Variants in CPEB3 observed in about 807,000 individuals in gnomAD.
The protein encoded by CPEB3 is cytoplasmic polyadenylation element-binding protein 3.
CPEB3 carries 20 observed loss-of-function variants against 67.2 expected under a neutral mutation model. The ratio of observed to expected loss-of-function variants is 0.30; its 90% CI spans 0.21 to 0.43. CPEB3 has a LOEUF of 0.43. Among genes scored for constraint, CPEB3 ranks in the 20% least tolerant of loss-of-function variants. The pLI, the probability that CPEB3 is intolerant of heterozygous loss-of-function variation, is 1.00. For synonymous variants in CPEB3, 376 were observed against 393.1 expected (o/e 0.96, Z 0.51); for missense variants, 746 against 968.6 (o/e 0.77, Z 3.05).
chr10:92,207,033 T>G (rs896939603), intron 2 of CPEB3, among the ~76,000 whole-genome samples: 1 of 152,156 alleles, frequency 6.6e-6, no homozygotes, highest in African/African-American at 2.4e-5. Context: ...TCACCCAGGC[T>G]GGAGTACAGT....
intron 7 of CPEB3, among the ~76,000 whole-genome samples, chr10:92,107,125 T>C (rs1049081418): frequency 3.9e-5 from 6 of 152,164 alleles, no homozygotes; most frequent in African/African-American, 1.4e-4. Flanking sequence ...TGGGACAGAA[T>C]TAAAAACTGA....
At chr10:92,184,656 G>A (rs531254870) in intron 3 of CPEB3, among the ~76,000 whole-genome samples, 12 of 152,174 alleles carry the variant, frequency 7.9e-5, no homozygotes, top group Non-Finnish European at 1.3e-4. Flanking sequence ...ACATCCATCA[G>A]AATCAATTAT....
intron 7 of CPEB3, among the ~76,000 whole-genome samples, chr10:92,095,601 T>TATATATATATATA (rs1491405800): frequency 3.1e-4 from 27 of 87,688 alleles, no homozygotes; most frequent in African/African-American, 8.5e-4. Context: ...TATATATATA[T>TATATATATATATA]TTTTTTTTTT....
intron 9 of CPEB3, among the ~76,000 whole-genome samples, chr10:92,056,481 G>C (rs989880882): frequency 2.6e-5 from 4 of 152,116 alleles, no homozygotes; most frequent in Non-Finnish European, 5.9e-5. Context: ...TCTTCATATT[G>C]CTGAAAGAAG....
intron 3 of CPEB3, among the ~76,000 whole-genome samples, chr10:92,184,535 G>A (rs2134112636): frequency 1.3e-5 from 2 of 152,272 alleles, no homozygotes; most frequent in East Asian, 1.9e-4. Context: ...AACCTGGGAG[G>A]TGGAGGTTGC....
chr10:92,087,645 G>C (rs1303039101), intron 8 of CPEB3, among the ~76,000 whole-genome samples: 1 of 152,114 alleles, frequency 6.6e-6, no homozygotes, highest in Non-Finnish European at 1.5e-5. Context: ...TAATCAACTG[G>C]GGAAGAGTAC....
intron 4 of CPEB3, among the ~76,000 whole-genome samples, chr10:92,156,794 T>C (rs1847229709): frequency 6.6e-6 from 1 of 152,170 alleles, no homozygotes. Context: ...CACATGATGA[T>C]GATGAAAAGC....
At chr10:92,105,661 C>G (rs572526030) in intron 7 of CPEB3, among the ~76,000 whole-genome samples, 1 of 151,066 alleles carries the variant, frequency 6.6e-6, no homozygotes, top group South Asian at 2.1e-4. Flanking sequence ...TATTTGGGAA[C>G]CTTTTATGTG....
At chr10:92,172,876 T>A (rs1002122843) in intron 4 of CPEB3, among the ~76,000 whole-genome samples, 7 of 152,226 alleles carry the variant, frequency 4.6e-5, no homozygotes, top group African/African-American at 1.7e-4. Flanking sequence ...CTTCGTAAAC[T>A]GCTCATTGCT....
chr10:92,247,188 AC>A (rs1235385505), intron 1 of CPEB3, among the ~76,000 whole-genome samples: 1 of 152,114 alleles, frequency 6.6e-6, no homozygotes, highest in Non-Finnish European at 1.5e-5. Context: ...TTGTTTTTTT[AC>A]TTAACCATAA....
chr10:92,075,766 C>G (rs1842910396), intron 9 of CPEB3, among the ~76,000 whole-genome samples: 1 of 152,180 alleles, frequency 6.6e-6, no homozygotes, highest in African/African-American at 2.4e-5. Flanking sequence ...GAAATCAAAT[C>G]TATAAAGCTT....
In CPEB3 at chr10:92,240,036, C is replaced by T. The variant is rs745607629; in HGVS notation, c.315G>A (p.Pro105=). The T allele has an allele frequency of 1.9e-6, 3 of 1,601,794 alleles. No homozygotes were observed. The highest frequency in any genetic ancestry group is 1.7e-5 in the Admixed American group (1 of 57,876). ...EPAAPGASLS[P]SFGSTWSTGT... ...CCGTGGACCAGGTGCTGCCGAAGGACGGCGACAGCGACGCGCCCGGTGCCG... is the reference window on the plus strand; with the variant it reads ...CCGTGGACCAGGTGCTGCCGAAGGATGGCGACAGCGACGCGCCCGGTGCCG... Residue 105 remains proline, a synonymous_variant, in exon 2 of 10, where the codon CCG becomes CCA. Coordinates refer to ENST00000265997, the MANE Select transcript of CPEB3 (RefSeq NM_014912.5).
rs183204159 is a variant in CPEB3 at position 92,168,669 on chromosome 10, G to A, written c.1222+12294C>T. 4.1e-4 allele frequency among the ~76,000 whole-genome samples: 62 copies of A among 152,004 alleles called. 1 individual carries two copies. Among genetic ancestry groups the A allele is most frequent in the Middle Eastern group, 3.4e-3 (1 of 292 alleles). The stretch of plus-strand genomic sequence containing the variant: ...ATAAGTAGCTTTCCCCTCTTTGCTT[G>A]GCACTTCTCTCTCCTGCTGTCATGT... On this transcript the variant is annotated intron_variant, in intron 4 of 9. Coordinates refer to ENST00000265997, the MANE Select transcript of CPEB3 (RefSeq NM_014912.5).
intron 4 of CPEB3, among the ~76,000 whole-genome samples, chr10:92,145,870 G>A (rs1391944470): frequency 6.6e-6 from 1 of 152,086 alleles, no homozygotes; most frequent in South Asian, 2.1e-4. Flanking sequence ...TGATAGCCAA[G>A]GGAATACAAA....
intron 4 of CPEB3, among the ~76,000 whole-genome samples, chr10:92,175,922 T>C (rs1848203453): frequency 6.6e-6 from 1 of 152,068 alleles, no homozygotes; most frequent in African/African-American, 2.4e-5. Context: ...AAACCCCATC[T>C]CTACTAAAAA....
At position 92,202,947 on chromosome 10, in the gene CPEB3, C is replaced by CT. The variant is rs558484576; in HGVS notation, c.1006-10312dup. On this transcript the variant is annotated intron_variant, in intron 2 of 9. Transcript: ENST00000265997. ...CTTGTTTAAATTTTTTATTTTTAAGCTTTTTTTTTTTTGAGATGGAGTCTA... is the reference window on the plus strand; with the variant it reads ...CTTGTTTAAATTTTTTATTTTTAAGCTTTTTTTTTTTTTGAGATGGAGTCTA... Among the ~76,000 whole-genome samples the CT allele has an allele frequency of 1.5e-3, 217 of 142,402 alleles. 1 individual carries two copies. Among genetic ancestry groups the CT allele is most frequent in the Middle Eastern group, 3.7e-3 (1 of 270 alleles). 93.4% of individuals were successfully genotyped at this position (142,402 alleles called of 152,430 possible).
intron 1 of CPEB3, among the ~76,000 whole-genome samples, chr10:92,280,753 C>CTT (rs948586177): frequency 0.016 from 1,500 of 91,628 alleles, 11 homozygotes; most frequent in African/African-American, 0.04. Flanking sequence ...AGCATCTATT[C>CTT]TTTTTTTTTT....
chr10:92,222,484 G>C (rs968856848), intron 2 of CPEB3, among the ~76,000 whole-genome samples: 3 of 152,124 alleles, frequency 2.0e-5, no homozygotes, highest in African/African-American at 7.2e-5. Context: ...ACAGCAATCA[G>C]GTTTCATTTA....
At chr10:92,229,199 A>C (rs1431861008) in intron 2 of CPEB3, among the ~76,000 whole-genome samples, 1 of 151,480 alleles carries the variant, frequency 6.6e-6, no homozygotes, top group Non-Finnish European at 1.5e-5. Context: ...AATTTTAAAA[A>C]ATTTTTAATT....
Sources: allele counts gnomAD v4.1 joint callset (sites outside exome capture counted in the v4.1 genomes callset), GRCh38; gene constraint gnomAD v4.1.1; transcripts MANE v1.5; gene names NCBI Gene and HGNC (gene_info 2026-07-23, HGNC 2026-07-21).